Variants in MPIG6B observed in about 807,000 individuals in gnomAD.
MPIG6B encodes the protein megakaryocyte and platelet inhibitory receptor G6b, also known as immunoglobulin receptor.
In MPIG6B, 22 loss-of-function variants were observed where a neutral mutation model predicts 24.2. That is an observed-to-expected ratio of 0.91 (90% CI 0.65 to 1.30). MPIG6B has a LOEUF of 1.30. Ranked by LOEUF, MPIG6B falls within the 50% of genes most tolerant of loss-of-function variation. MPIG6B has a pLI of 0.00. For synonymous variants in MPIG6B, 136 were observed against 142.0 expected (o/e 0.96, Z 0.30); for missense variants, 301 against 318.5 (o/e 0.94, Z 0.42).
rs1806964382 is a variant in MPIG6B at position 31,723,374 on chromosome 6, C to T, written c.-10C>T. The stretch of plus-strand genomic sequence containing the variant: ...ATTCGCTCGCAGCTTCTCCTCACCA[C>T]ATCCTAACCATGGCTGTGTTTCTGC... On this transcript the variant is annotated 5_prime_UTR_variant, in exon 1 of 6. Transcript: ENST00000649779. This position sits in a 1 kb window ranked among gnomAD's most constrained non-coding sequence, Gnocchi z 4.3. 1 of 1,612,100 alleles carries T rather than the reference C, an allele frequency of 6.2e-7. No homozygotes were observed. Among genetic ancestry groups the T allele is most frequent in the Non-Finnish European group, 8.5e-7 (1 of 1,179,588 alleles).
chr6:31,724,628 G>A lies in MPIG6B; in HGVS notation c.541+1G>A. On this transcript the variant is annotated splice_donor_variant, in intron 4 of 5. Coordinates refer to ENST00000649779, the MANE Select transcript of MPIG6B (RefSeq NM_138272.3). LOFTEE classifies it high-confidence loss of function. ...CCGATTCGACCACTCCCTAGATTTG[G>A]TGAGACTAATTCCACCCCATTTTCT... The A allele has an allele frequency of 6.2e-7, 1 of 1,613,728 alleles. No individual in the cohort carries two copies. Among genetic ancestry groups the A allele is most frequent in the East Asian group, 2.2e-5 (1 of 44,882 alleles).
In MPIG6B at chr6:31,723,882, A is replaced by T; in HGVS notation, c.305A>T (p.Asp102Val). ...CTGGAGCTCCTCTTGAGCGCGGGGG[A>T]CTCGGGCACTTTTTTCTGCAAGGGC... The part of the protein sequence containing the change: ...RRLELLLSAG[D>V]SGTFFCKGRH... The change falls in exon 2 of 6, where the codon GAC becomes GTC. Residue 102 changes from aspartate (D) to valine (V), a missense_variant. Physicochemically the swap from Asp to Val is radical, Grantham distance 152. Transcript: ENST00000649779. This position sits in a 1 kb window ranked among gnomAD's most constrained non-coding sequence, Gnocchi z 4.3. The T allele has an allele frequency of 6.2e-7, 1 of 1,608,520 alleles. No homozygotes were observed. The highest frequency in any genetic ancestry group is 8.5e-7 in the Non-Finnish European group (1 of 1,177,264).
chr6:31,723,766 C>T lies in MPIG6B; in HGVS notation c.189C>T (p.Ile63=), dbSNP rs1405901796. The T allele has an allele frequency of 1.2e-6, 2 of 1,613,842 alleles. No individual in the cohort carries two copies. Among genetic ancestry groups the T allele is most frequent in the South Asian group, 2.2e-5 (2 of 91,080 alleles). ...GCCTGTCCAAAGGACGCCGACCGAT[C>T]CTGTGGGCCTCTTCGAGCGGGACCC... ...CKGLSKGRRP[I]LWASSSGTPT... The change falls in exon 2 of 6, where the codon ATC becomes ATT. Residue 63 remains isoleucine, a synonymous_variant. Coordinates refer to ENST00000649779, the MANE Select transcript of MPIG6B (RefSeq NM_138272.3). This position sits in a 1 kb window ranked among gnomAD's most constrained non-coding sequence, Gnocchi z 4.3.
Position 31,725,084 on chromosome 6 carries a change from C to T in MPIG6B, c.*10C>T. ...TGCAGTTGTAGTTTGAAGGGAAGCCCTTACTCCAAACCTCCCAAGCTAGGG... is the reference window on the plus strand; with the variant it reads ...TGCAGTTGTAGTTTGAAGGGAAGCCTTTACTCCAAACCTCCCAAGCTAGGG... On this transcript the variant is annotated 3_prime_UTR_variant, in exon 6 of 6. Coordinates refer to ENST00000649779, the MANE Select transcript of MPIG6B (RefSeq NM_138272.3). This position sits in a 1 kb window ranked among gnomAD's most constrained non-coding sequence, Gnocchi z 5.2. 1 of 1,604,336 alleles carries T rather than the reference C, an allele frequency of 6.2e-7. No individual in the cohort carries two copies. The highest frequency in any genetic ancestry group is 8.5e-7 in the Non-Finnish European group (1 of 1,172,264).
chr6:31,723,071 C>G (rs1033970689), upstream of MPIG6B: 1 of 467,224 alleles, frequency 2.1e-6, no homozygotes, highest in African/African-American at 2.0e-5. The surrounding 1 kb of genome is among the most constrained non-coding windows in gnomAD (Gnocchi z 4.3). Flanking sequence ...CAACCTCGAC[C>G]TCCTGAGCTC....
chr6:31,723,084 G>C, upstream of MPIG6B: 1 of 487,376 alleles, frequency 2.1e-6, no homozygotes, highest in Non-Finnish European at 3.7e-6. The surrounding 1 kb of genome is among the most constrained non-coding windows in gnomAD (Gnocchi z 4.3). Context: ...CTGAGCTCAA[G>C]CGATCCTCCC....
chr6:31,724,822 C>T lies in MPIG6B; in HGVS notation c.599C>T (p.Pro200Leu), dbSNP rs1168082184. The T allele has an allele frequency of 5.6e-6, 9 of 1,613,818 alleles. No homozygotes were observed. The highest frequency in any genetic ancestry group is 6.8e-6 in the Non-Finnish European group (8 of 1,179,984). Residue 200 changes from proline to leucine, a missense_variant, in exon 5 of 6, where the codon CCA becomes CTA. By Grantham distance (98) the Pro-to-Leu change is moderately conservative. Transcript: ENST00000649779. ...GTAAAGGAGGAAGAGCCCAAGATTCCAGGGGACCTGGACCAGGAACCGGTA... is the reference window on the plus strand; with the variant it reads ...GTAAAGGAGGAAGAGCCCAAGATTCTAGGGGACCTGGACCAGGAACCGGTA... The part of the protein sequence containing the change: ...RPVKEEEPKI[P>L]GDLDQEPSLL...
Position 31,725,214 on chromosome 6 carries a change from G to C in MPIG6B, c.*140G>C. Reference sequence around the variant, plus strand: ...GCTAGACTGGGAGTTGGGAGACCTGGGTTCCAGGCTGTCTCTGCCACTGGT... The same window carrying C: ...GCTAGACTGGGAGTTGGGAGACCTGCGTTCCAGGCTGTCTCTGCCACTGGT... On this transcript the variant is annotated 3_prime_UTR_variant, in exon 6 of 6. Transcript: ENST00000649779. This position sits in a 1 kb window ranked among gnomAD's most constrained non-coding sequence, Gnocchi z 5.2. The C allele has an allele frequency of 1.6e-6, 1 of 636,880 alleles. No homozygotes were observed. The highest frequency in any genetic ancestry group is 2.8e-6 in the Non-Finnish European group (1 of 362,430). 39.5% of individuals were successfully genotyped at this position (636,880 alleles called of 1,614,324 possible).
In MPIG6B at chr6:31,723,688, A is replaced by T; in HGVS notation, c.111A>T (p.Gly37=). 6.2e-7 allele frequency: 1 copy of T among 1,603,452 alleles called. No individual in the cohort carries two copies. Among genetic ancestry groups the T allele is most frequent in the Non-Finnish European group, 8.5e-7 (1 of 1,175,482 alleles). ...ACCGGGTGAATCTCTCCTGCGGAGG[A>T]GTCTCTCATCCCATCCGCTGGGTCT... is the stretch of plus-strand genomic sequence containing the variant. ...PGDRVNLSCG[G]VSHPIRWVWA... Residue 37 remains glycine, a synonymous_variant, in exon 2 of 6, where the codon GGA becomes GGT. Transcript: ENST00000649779. The surrounding 1 kb of genome is among the most constrained non-coding windows in gnomAD (Gnocchi z 4.3).
chr6:31,725,683 C>A lies in MPIG6B; in HGVS notation c.*609C>A. ...GTGTTTTCTTTTTGGACTCCTCTTC[C>A]TTGCTCCATATCCCTACAGTATTTC... is the stretch of plus-strand genomic sequence containing the variant. On this transcript the variant is annotated 3_prime_UTR_variant, in exon 6 of 6. Transcript: ENST00000649779. This position sits in a 1 kb window ranked among gnomAD's most constrained non-coding sequence, Gnocchi z 5.2. 1 of 153,114 alleles carries A rather than the reference C, an allele frequency of 6.5e-6. No individual in the cohort carries two copies. The allele number at this position is 153,114 out of a possible 1,614,324, so 9.5% of individuals were successfully genotyped here. A position where few individuals can be genotyped will look rare whatever the true frequency, so the allele number is the denominator to read the frequency against.
At position 31,723,496 on chromosome 6, in the gene MPIG6B, T is replaced by C. The variant is rs772683865; in HGVS notation, c.61+52T>C. 1.3e-6 allele frequency: 2 copies of C among 1,552,010 alleles called. No individual in the cohort carries two copies. Among genetic ancestry groups the C allele is most frequent in the East Asian group, 2.2e-5 (1 of 44,580 alleles). On this transcript the variant is annotated intron_variant, in intron 1 of 5. Coordinates refer to ENST00000649779, the MANE Select transcript of MPIG6B (RefSeq NM_138272.3). The surrounding 1 kb of genome is among the most constrained non-coding windows in gnomAD (Gnocchi z 4.3). ...TAGACGCAGAGGGGCTGAAGCAAGATAAGGGCCGCCTAGTAGGGTGGGTTG... is the reference window on the plus strand; with the variant it reads ...TAGACGCAGAGGGGCTGAAGCAAGACAAGGGCCGCCTAGTAGGGTGGGTTG...
At chr6:31,724,687 C>T (rs1807175745) in intron 4 of MPIG6B, 60 bp downstream of exon 4, 3 of 1,605,694 alleles carry the variant, frequency 1.9e-6, no homozygotes, top group Non-Finnish European at 2.6e-6. Flanking sequence ...CCCCTCAATT[C>T]CTGAGTCTGA....
chr6:31,725,186 AGTGCTAGACTGGGAGTTGGGAGACCT>A lies in MPIG6B; in HGVS notation c.*114_*139del. The A allele has an allele frequency of 1.3e-6, 1 of 748,994 alleles. No individual in the cohort carries two copies. Among genetic ancestry groups the A allele is most frequent in the Non-Finnish European group, 2.2e-6 (1 of 449,642 alleles). 46.4% of individuals were successfully genotyped at this position (748,994 alleles called of 1,614,324 possible). Reference sequence around the variant, plus strand: ...AGGAAGGCACCATGGTATAGAAATAAGTGCTAGACTGGGAGTTGGGAGACCTGGGTTCCAGGCTGTCTCTGCCACTG... The same window carrying A: ...AGGAAGGCACCATGGTATAGAAATAAGGGTTCCAGGCTGTCTCTGCCACTG... On this transcript the variant is annotated 3_prime_UTR_variant, in exon 6 of 6. Transcript: ENST00000649779. The surrounding 1 kb of genome is among the most constrained non-coding windows in gnomAD (Gnocchi z 5.2).
At position 31,725,359 on chromosome 6, in the gene MPIG6B, C is replaced by T. The variant is rs1365358106; in HGVS notation, c.*285C>T. 5.2e-6 allele frequency: 2 copies of T among 383,706 alleles called. No individual in the cohort carries two copies. The allele number at this position is 383,706 out of a possible 1,614,324, so 23.8% of individuals were successfully genotyped here. ...TTTTTTTTTTTTTGAGACGGAGTCT[C>T]GCTCTGTTGCCCAGGCTGGAGTGCA... On this transcript the variant is annotated 3_prime_UTR_variant, in exon 6 of 6. Coordinates refer to ENST00000649779, the MANE Select transcript of MPIG6B (RefSeq NM_138272.3). The surrounding 1 kb of genome is among the most constrained non-coding windows in gnomAD (Gnocchi z 5.2).
chr6:31,723,320 GT>G, upstream of MPIG6B: 1 of 1,423,224 alleles, frequency 7.0e-7, no homozygotes, highest in Non-Finnish European at 9.8e-7. This position sits in a 1 kb window ranked among gnomAD's most constrained non-coding sequence, Gnocchi z 4.3. Context: ...CTTCCCTCCG[GT>G]CCCCCCCCAA....
At position 31,723,935 on chromosome 6, in the gene MPIG6B, C is replaced by T. The variant is rs899727600; in HGVS notation, c.358C>T (p.Leu120Phe). The stretch of plus-strand genomic sequence containing the variant: ...CCACGAGGACGAGAGCCGTACAGTG[C>T]TTCACGTGCTGGGGGACAGGACCTA... Reference protein sequence around the residue: ...GRHEDESRTVLHVLGDRTYCK... With the variant: ...GRHEDESRTVFHVLGDRTYCK... Residue 120 changes from leucine to phenylalanine, a missense_variant, in exon 2 of 6, where the codon CTT (leucine) becomes TTT (phenylalanine). Coordinates refer to ENST00000649779, the MANE Select transcript of MPIG6B (RefSeq NM_138272.3). The surrounding 1 kb of genome is among the most constrained non-coding windows in gnomAD (Gnocchi z 4.3). 5 of 1,573,538 alleles carry T rather than the reference C, an allele frequency of 3.2e-6. No individual in the cohort carries two copies. The highest frequency in any genetic ancestry group is 4.3e-6 in the Non-Finnish European group (5 of 1,158,476).
upstream of MPIG6B, chr6:31,723,118 G>GA (rs1806930676): frequency 5.4e-6 from 3 of 552,392 alleles, no homozygotes; most frequent in South Asian, 6.0e-5. This position sits in a 1 kb window ranked among gnomAD's most constrained non-coding sequence, Gnocchi z 4.3. Flanking sequence ...AAGTAGCTGG[G>GA]ATTACAGGCG....
At position 31,725,035 on chromosome 6, in the gene MPIG6B, CCCTGCTGATGCCTCCA is replaced by C; in HGVS notation, c.690_705del (p.Ala231SerfsTer5). 1 of 1,613,798 alleles carries C rather than the reference CCCTGCTGATGCCTCCA, an allele frequency of 6.2e-7. No homozygotes were observed. The highest frequency in any genetic ancestry group is 8.5e-7 in the Non-Finnish European group (1 of 1,179,968). The stretch of plus-strand genomic sequence containing the variant: ...GGCCCCGCCGGCTGTCCACAGCGGA[CCCTGCTGATGCCTCCA>C]CCATCTATGCAGTTGTAGTTTGAAG... On this transcript the variant is annotated frameshift_variant, in exon 6 of 6. Coordinates refer to ENST00000649779, the MANE Select transcript of MPIG6B (RefSeq NM_138272.3). LOFTEE classifies it high-confidence loss of function. This position sits in a 1 kb window ranked among gnomAD's most constrained non-coding sequence, Gnocchi z 5.2.
In MPIG6B at chr6:31,724,786, C is replaced by T. The variant is rs1807191399; in HGVS notation, c.563C>T (p.Pro188Leu). 1 of 1,614,084 alleles carries T rather than the reference C, an allele frequency of 6.2e-7. No homozygotes were observed. Among genetic ancestry groups the T allele is most frequent in the Non-Finnish European group, 8.5e-7 (1 of 1,180,022 alleles). Reference sequence around the variant, plus strand: ...ATAGCTCCACTTGTGAAAACCGAGCCCCAGAGGCCAGTAAAGGAGGAAGAG... The same window carrying T: ...ATAGCTCCACTTGTGAAAACCGAGCTCCAGAGGCCAGTAAAGGAGGAAGAG... ...PRFAPLVKTEPQRPVKEEEPK... is the reference protein window; with the variant it reads ...PRFAPLVKTELQRPVKEEEPK... The change falls in exon 5 of 6, where the codon CCC becomes CTC. Residue 188 changes from proline (P) to leucine (L), a missense_variant. Pro to Leu is a moderately conservative substitution (Grantham distance 98). Transcript: ENST00000649779.
Sources: gnomAD v4.1 joint callset for allele counts on GRCh38, gnomAD v4.1.1 for gene constraint, Gnocchi (gnomAD v3.1) non-coding constraint, MANE v1.5 for transcripts, NCBI Gene and HGNC (gene_info 2026-07-23, HGNC 2026-07-21) for gene names.